The following AFG1L variants were observed in gnomAD, a reference collection of about 807,000 sequenced individuals.
AFG1L encodes AFG1-like ATPase.
A neutral mutation model predicts 62.2 loss-of-function variants in AFG1L; 53 were observed. The ratio of observed to expected loss-of-function variants is 0.85; its 90% CI spans 0.68 to 1.07. The LOEUF (loss-of-function observed/expected upper bound fraction) is 1.07, where lower values mean the gene tolerates loss of function less well. Ranked by LOEUF, AFG1L falls within the 50% of genes least tolerant of loss-of-function variation. The pLI is 0.00. For missense variants in AFG1L, 555 were observed against 590.5 expected (o/e 0.94, Z 0.62); for synonymous variants, 228 against 210.3 (o/e 1.08, Z -0.73).
intron 7 of AFG1L, among the ~76,000 whole-genome samples, chr6:108,432,713 G>T (rs1454503352): frequency 6.6e-6 from 1 of 152,174 alleles, no homozygotes. Context: ...ATTAGGCTAA[G>T]CCAGTGGTTC....
intron 10 of AFG1L, among the ~76,000 whole-genome samples, chr6:108,488,326 C>G (rs140485405): frequency 2.2e-3 from 332 of 152,202 alleles, no homozygotes; most frequent in African/African-American, 7.7e-3. Flanking sequence ...GTACATAGAT[C>G]ACTAGAATGT....
At chr6:108,364,308 C>T (rs1779666004) in intron 5 of AFG1L, among the ~76,000 whole-genome samples, 1 of 152,222 alleles carries the variant, frequency 6.6e-6, no homozygotes, top group African/African-American at 2.4e-5. Context: ...ATTAATTAGT[C>T]ATAGCTTCTC....
Position 108,402,054 on chromosome 6 carries a change from G to T in AFG1L, c.807G>T (p.Lys269Asn). The T allele has an allele frequency of 6.8e-7, 1 of 1,472,516 alleles. No individual in the cohort carries two copies. The highest frequency in any genetic ancestry group is 2.4e-5 in the Admixed American group (1 of 42,340). 91.2% of individuals were successfully genotyped at this position (1,472,516 alleles called of 1,614,324 possible). The change falls in exon 7 of 13, where the codon AAG becomes AAT. Residue 269 changes from lysine (K) to asparagine (N), a missense_variant and splice_region_variant. Coordinates refer to ENST00000368977, the MANE Select transcript of AFG1L (RefSeq NM_145315.5). ...ANFVPFIAVL[K>N]EYCNTVQLDS... ...TTGTACCATTCATAGCAGTCTTGAA[G>T]GTAAAAACAAATCATTTATTTGTGT...
chr6:108,500,474 G>A (rs1184619398), intron 10 of AFG1L, among the ~76,000 whole-genome samples: 1 of 151,896 alleles, frequency 6.6e-6, no homozygotes, highest in Non-Finnish European at 1.5e-5. Flanking sequence ...TGATCAATGT[G>A]ACCAATACTG....
chr6:108,433,325 G>C (rs1340502638), intron 7 of AFG1L, among the ~76,000 whole-genome samples: 4 of 152,012 alleles, frequency 2.6e-5, no homozygotes, highest in Non-Finnish European at 5.9e-5. Context: ...AGTCGCCCAG[G>C]CTGGAGTGCA....
chr6:108,440,975 T>G (rs1771522476), intron 7 of AFG1L, among the ~76,000 whole-genome samples: 1 of 152,172 alleles, frequency 6.6e-6, no homozygotes. Context: ...GTCACTTAGA[T>G]AAGGGATAGA....
intron 8 of AFG1L, among the ~76,000 whole-genome samples, chr6:108,470,384 G>A (rs1429745326): frequency 6.6e-6 from 1 of 152,224 alleles, no homozygotes; most frequent in Admixed American, 6.5e-5. Context: ...AGGAGATGGT[G>A]GAGGAGGGGT....
rs1562166662 is a variant in AFG1L, at chr6:108,446,095, CA to C, written c.808-1118del. 1.3e-3 allele frequency among the ~76,000 whole-genome samples: 141 copies of C among 107,246 alleles called. 4 individuals are homozygous for C. Among genetic ancestry groups the C allele is most frequent in the Admixed American group, 9.5e-3 (107 of 11,234 alleles). 70.4% of individuals were successfully genotyped at this position (107,246 alleles called of 152,430 possible). Reference sequence around the variant, plus strand: ...ACACACACACACACACACACACACACACACACACCCCTACATATATTCCTCT... The same window carrying C: ...ACACACACACACACACACACACACACCACACACCCCTACATATATTCCTCT... On this transcript the variant is annotated intron_variant, in intron 7 of 12. Coordinates refer to ENST00000368977, the MANE Select transcript of AFG1L (RefSeq NM_145315.5).
At chr6:108,302,459 T>A (rs748737374) in intron 1 of AFG1L, among the ~76,000 whole-genome samples, 26 of 152,126 alleles carry the variant, frequency 1.7e-4, no homozygotes, top group Non-Finnish European at 3.4e-4. Context: ...GAATCTCAGA[T>A]AAGACTTTTT....
intron 6 of AFG1L, among the ~76,000 whole-genome samples, chr6:108,395,298 A>G (rs1172612000): frequency 6.6e-6 from 1 of 152,092 alleles, no homozygotes; most frequent in East Asian, 1.9e-4. Flanking sequence ...ACAAGGAAAT[A>G]TGGAAAAAAT....
In AFG1L at chr6:108,349,515, C is replaced by T. The variant is rs78417547; in HGVS notation, c.415+2476C>T. ...TGAAATAAAATAGGTAATAAAAGAT[C>T]AAGTTTTCATTTGAGGGGCTCTCTG... On this transcript the variant is annotated intron_variant, in intron 3 of 12. Transcript: ENST00000368977. 4.1e-3 allele frequency among the ~76,000 whole-genome samples: 627 copies of T among 151,682 alleles called. 2 individuals carry two copies. The highest frequency in any genetic ancestry group is 7.6e-3 in the Non-Finnish European group (513 of 67,858).
At chr6:108,325,794 T>A (rs2114314635) in intron 2 of AFG1L, among the ~76,000 whole-genome samples, 1 of 151,568 alleles carries the variant, frequency 6.6e-6, no homozygotes, top group East Asian at 1.9e-4. Context: ...CCTATTTATT[T>A]ATTTGAGACA....
chr6:108,519,894 A>C lies in AFG1L; in HGVS notation c.1317+84A>C, dbSNP rs543021048. Reference sequence around the variant, plus strand: ...GATGCATGGCTACATTTTGAAGAAGAAATGCAGTGTATAGTTAACCATTGA... The same window carrying C: ...GATGCATGGCTACATTTTGAAGAAGCAATGCAGTGTATAGTTAACCATTGA... On this transcript the variant is annotated intron_variant, in intron 12 of 12. Transcript: ENST00000368977. 12 of 789,222 alleles carry C rather than the reference A, an allele frequency of 1.5e-5. No individual in the cohort carries two copies. The East Asian group carries it at 3.1e-4, about 20-fold the overall frequency. 48.9% of individuals were successfully genotyped at this position (789,222 alleles called of 1,614,324 possible). A position where few individuals can be genotyped will look rare whatever the true frequency, so the allele number is the denominator to read the frequency against.
chr6:108,358,686 C>T (rs1034945392), intron 5 of AFG1L, among the ~76,000 whole-genome samples: 1 of 152,174 alleles, frequency 6.6e-6, no homozygotes, highest in Non-Finnish European at 1.5e-5. Flanking sequence ...TGGGCGCCAC[C>T]ATGCCCAGCT....
intron 7 of AFG1L, among the ~76,000 whole-genome samples, chr6:108,445,206 C>A (rs529930249): frequency 1.3e-5 from 2 of 152,216 alleles, no homozygotes; most frequent in Non-Finnish European, 2.9e-5. Context: ...AGCTTCCTCA[C>A]CTCTCTCAAC....
chr6:108,346,379 A>T (rs1054684875), intron 2 of AFG1L, among the ~76,000 whole-genome samples: 7 of 148,896 alleles, frequency 4.7e-5, no homozygotes, highest in Non-Finnish European at 7.4e-5. Context: ...TTTTTTTTTT[A>T]AATTGAGATG....
At chr6:108,342,509 A>G (rs1004988896) in intron 2 of AFG1L, among the ~76,000 whole-genome samples, 1 of 152,148 alleles carries the variant, frequency 6.6e-6, no homozygotes, top group Non-Finnish European at 1.5e-5. Flanking sequence ...AAACCGTGTA[A>G]CCCTTCCTCT....
chr6:108,492,496 C>T (rs1773813488), intron 10 of AFG1L, among the ~76,000 whole-genome samples: 1 of 152,168 alleles, frequency 6.6e-6, no homozygotes, highest in South Asian at 2.1e-4. Flanking sequence ...GTGGTGGAAA[C>T]ATATTTCAGC....
chr6:108,501,734 C>T (rs1259362989), intron 10 of AFG1L, among the ~76,000 whole-genome samples: 2 of 152,126 alleles, frequency 1.3e-5, no homozygotes, highest in African/African-American at 4.8e-5. Flanking sequence ...TGAACTTGAT[C>T]ACACAGCCAC....
Sources: allele counts gnomAD v4.1 joint callset (sites outside exome capture counted in the v4.1 genomes callset), GRCh38; gene constraint gnomAD v4.1.1; transcripts MANE v1.5; gene names NCBI Gene and HGNC (gene_info 2026-07-23, HGNC 2026-07-21).